BCAS3: variants seen among roughly 807,000 people sequenced by gnomAD.
BCAS3 encodes BCAS3 microtubule associated cell migration factor.
Under a neutral mutation model 116.1 loss-of-function variants are expected in BCAS3, and 53 were observed. The observed-to-expected ratio is 0.46, with a 90% confidence interval of 0.37 to 0.57. The LOEUF (loss-of-function observed/expected upper bound fraction) is 0.57, where lower values mean the gene tolerates loss of function less well. Among genes scored for constraint, BCAS3 ranks in the 20% least tolerant of loss-of-function variants. The pLI, the probability that BCAS3 is intolerant of heterozygous loss-of-function variation, is 0.00. For synonymous variants in BCAS3, 391 were observed against 408.2 expected, an observed-to-expected ratio of 0.96 and a Z score of 0.51; for missense variants, 917 against 1,165.4, an observed-to-expected ratio of 0.79 and a Z score of 3.10.
rs555213490 is a variant in BCAS3 at position 61,220,012 on chromosome 17, T to A, written c.2425+135448T>A. Reference sequence around the variant, plus strand: ...TGGTGTGCCGTTAAAACTAAAGTTTTCGGCCGGGCGCGGTGGCTCACGCCT... The same window carrying A: ...TGGTGTGCCGTTAAAACTAAAGTTTACGGCCGGGCGCGGTGGCTCACGCCT... On this transcript the variant is annotated intron_variant, in intron 22 of 23. Transcript: ENST00000407086. The surrounding 1 kb of genome is among the most constrained non-coding windows in gnomAD (Gnocchi z 4.5). Among the ~76,000 whole-genome samples the A allele has an allele frequency of 6.6e-6, 1 of 152,218 alleles. No homozygotes were observed. Among genetic ancestry groups the A allele is most frequent in the South Asian group, 2.1e-4 (1 of 4,820 alleles).
At chr17:60,691,250 T>C (rs2034784689) in intron 4 of BCAS3, among the ~76,000 whole-genome samples, 1 of 152,144 alleles carries the variant, frequency 6.6e-6, no homozygotes, top group African/African-American at 2.4e-5. Flanking sequence ...TCTTTGAGAC[T>C]CTACTTTTGA....
chr17:60,903,299 A>G (rs1053480786), intron 11 of BCAS3, among the ~76,000 whole-genome samples: 6 of 152,248 alleles, frequency 3.9e-5, no homozygotes, highest in Middle Eastern at 3.2e-3. Flanking sequence ...AAAGCAAACC[A>G]CAGAGTGGGA....
chr17:60,683,884 A>G (rs1036411725), intron 2 of BCAS3, 98 bp from the exon 3 acceptor site: 25 of 1,073,108 alleles, frequency 2.3e-5, no homozygotes, highest in Non-Finnish European at 1.4e-5. Context: ...AAACAACAAC[A>G]AAAAACAAGT....
chr17:60,802,301 T>A (rs988723417), intron 6 of BCAS3, among the ~76,000 whole-genome samples: 44 of 141,404 alleles, frequency 3.1e-4, no homozygotes, highest in African/African-American at 1.0e-3. Flanking sequence ...AAAAAATATA[T>A]ATATATATAT....
At chr17:60,968,362 C>T (rs1291475898) in intron 14 of BCAS3, among the ~76,000 whole-genome samples, 7 of 152,020 alleles carry the variant, frequency 4.6e-5, no homozygotes, top group Middle Eastern at 3.4e-3. Context: ...ACTACAGGCA[C>T]GTGACACCAT....
rs920159945 is a variant in BCAS3 at position 61,279,507 on chromosome 17, C to T, written c.2426-88820C>T. ...CCATGGTGGCTAAGAGATTCACAAG[C>T]CAGTTTGTATTTTGCAAACTTTCCC... On this transcript the variant is annotated intron_variant, in intron 22 of 23. Coordinates refer to ENST00000407086, the MANE Select transcript of BCAS3 (RefSeq NM_017679.5). This position sits in a 1 kb window ranked among gnomAD's most constrained non-coding sequence, Gnocchi z 4.4. Among the ~76,000 whole-genome samples the T allele has an allele frequency of 1.3e-5, 2 of 152,112 alleles. No homozygotes were observed. Among genetic ancestry groups the T allele is most frequent in the African/African-American group, 4.8e-5 (2 of 41,418 alleles).
chr17:61,078,958 G>A (rs779362145), intron 21 of BCAS3, among the ~76,000 whole-genome samples: 1 of 151,974 alleles, frequency 6.6e-6, no homozygotes, highest in Non-Finnish European at 1.5e-5. Context: ...ATGGAAAAAC[G>A]TTGGTATAAA....
At chr17:61,295,949 C>A (rs1164294387) in intron 22 of BCAS3, among the ~76,000 whole-genome samples, 12 of 143,840 alleles carry the variant, frequency 8.3e-5, no homozygotes, top group African/African-American at 2.9e-4. Flanking sequence ...AGCAAGACTC[C>A]GTCTCAAAAA....
Position 61,065,190 on chromosome 17 carries a change from T to A in BCAS3, c.2030-9730T>A, listed in dbSNP as rs776541800. ...AATTACTACGATTTAAATATGTTTG[T>A]TGGATATTATAATTCCTCCTCTGTG... On this transcript the variant is annotated intron_variant, in intron 19 of 23. Coordinates refer to ENST00000407086, the MANE Select transcript of BCAS3 (RefSeq NM_017679.5). This position sits in a 1 kb window ranked among gnomAD's most constrained non-coding sequence, Gnocchi z 4.8. 7.2e-5 allele frequency among the ~76,000 whole-genome samples: 11 copies of A among 152,204 alleles called. No homozygotes were observed. The highest frequency in any genetic ancestry group is 1.3e-4 in the Non-Finnish European group (9 of 68,018).
chr17:60,799,065 C>G (rs1257537521), intron 6 of BCAS3, among the ~76,000 whole-genome samples: 2 of 152,114 alleles, frequency 1.3e-5, no homozygotes, highest in African/African-American at 4.8e-5. Flanking sequence ...ATCCTTTTAT[C>G]AGATGTGTTT....
In BCAS3 at chr17:61,281,132, C is replaced by G. The variant is rs1352253793; in HGVS notation, c.2426-87195C>G. Reference sequence around the variant, plus strand: ...GAAAAAATACACTACTATGCACACTCTTTCCATATATCAATACATCTTGGA... The same window carrying G: ...GAAAAAATACACTACTATGCACACTGTTTCCATATATCAATACATCTTGGA... On this transcript the variant is annotated intron_variant, in intron 22 of 23. Transcript: ENST00000407086. This position sits in a 1 kb window ranked among gnomAD's most constrained non-coding sequence, Gnocchi z 4.2. Among the ~76,000 whole-genome samples the G allele has an allele frequency of 3.3e-5, 5 of 152,210 alleles. No homozygotes were observed. The highest frequency in any genetic ancestry group is 2.0e-4 in the Admixed American group (3 of 15,274).
chr17:61,110,171 T>C (rs528994405), intron 22 of BCAS3, among the ~76,000 whole-genome samples: 4 of 152,354 alleles, frequency 2.6e-5, no homozygotes, highest in Admixed American at 2.0e-4. Flanking sequence ...ACATGTGGCT[T>C]GCCAATTATC....
chr17:61,338,733 G>A lies in BCAS3; in HGVS notation c.2426-29594G>A, dbSNP rs150038023. 5.5e-3 allele frequency among the ~76,000 whole-genome samples: 837 copies of A among 152,010 alleles called. 4 individuals carry two copies. Among genetic ancestry groups the A allele is most frequent in the Middle Eastern group, 0.017 (5 of 292 alleles). On this transcript the variant is annotated intron_variant, in intron 22 of 23. Transcript: ENST00000407086. Reference sequence around the variant, plus strand: ...GGCAGTGCAGGCCCGCGTGGGAGTCGTAGCTCCCTGTGTCCTCACTCTGAG... The same window carrying A: ...GGCAGTGCAGGCCCGCGTGGGAGTCATAGCTCCCTGTGTCCTCACTCTGAG...
At chr17:60,976,020 C>CTTTTTTTTTGTTTTTT (rs2062328600) in intron 14 of BCAS3, among the ~76,000 whole-genome samples, 1 of 98,284 alleles carries the variant, frequency 1.0e-5, no homozygotes, top group African/African-American at 4.2e-5. Flanking sequence ...TAGATTTTTG[C>CTTTTTTTTTGTTTTTT]TTTTTTTTTT....
Position 61,084,639 on chromosome 17 carries a change from G to A in BCAS3, c.2425+75G>A. On this transcript the variant is annotated intron_variant, in intron 22 of 23. Transcript: ENST00000407086. The surrounding 1 kb of genome is among the most constrained non-coding windows in gnomAD (Gnocchi z 5.5). ...ACTAATTTTCTCGCACAATGTAGAG[G>A]ATGACATTTATTTGCTTTCCTCTCT... is the stretch of plus-strand genomic sequence containing the variant. 8.1e-7 allele frequency: 1 copy of A among 1,234,854 alleles called. No homozygotes were observed. The highest frequency in any genetic ancestry group is 1.2e-6 in the Non-Finnish European group (1 of 851,148). The allele number at this position is 1,234,854 out of a possible 1,614,324, so 76.5% of individuals were successfully genotyped here. A position where few individuals can be genotyped will look rare whatever the true frequency, so the allele number is the denominator to read the frequency against.
rs920249652 is a variant in BCAS3, at chr17:61,034,555, T to A, written c.1638-111T>A. 2.1e-6 allele frequency: 2 copies of A among 957,500 alleles called. No homozygotes were observed. Among genetic ancestry groups the A allele is most frequent in the African/African-American group, 3.4e-5 (2 of 59,104 alleles). The allele number at this position is 957,500 out of a possible 1,614,324, so 59.3% of individuals were successfully genotyped here. ...TTATTACTTAAGGCAAAATGCATGTTCATACTGGAGGATTTGAATAGGGGT... is the reference window on the plus strand; with the variant it reads ...TTATTACTTAAGGCAAAATGCATGTACATACTGGAGGATTTGAATAGGGGT... On this transcript the variant is annotated intron_variant, in intron 16 of 23. Coordinates refer to ENST00000407086, the MANE Select transcript of BCAS3 (RefSeq NM_017679.5). This position sits in a 1 kb window ranked among gnomAD's most constrained non-coding sequence, Gnocchi z 5.0.
chr17:61,191,774 CAAAAAAAAA>C (rs753462944), intron 22 of BCAS3, among the ~76,000 whole-genome samples: 1 of 73,422 alleles, frequency 1.4e-5, no homozygotes, highest in Admixed American at 1.4e-4. Context: ...GACTCCGTCT[CAAAAAAAAA>C]AGAAAAGAAA....
At chr17:61,206,681 A>G (rs981858925) in intron 22 of BCAS3, among the ~76,000 whole-genome samples, 6 of 151,788 alleles carry the variant, frequency 4.0e-5, no homozygotes, top group Admixed American at 3.3e-4. Flanking sequence ...CACACCTGTA[A>G]TCTCAGCTAC....
At chr17:61,114,761 A>T (rs1219478335) in intron 22 of BCAS3, among the ~76,000 whole-genome samples, 11 of 150,430 alleles carry the variant, frequency 7.3e-5, no homozygotes, top group Non-Finnish European at 1.5e-5. Flanking sequence ...TATGGAACCA[A>T]AAAAGAGCCC....
Sources: allele counts gnomAD v4.1 joint callset (sites outside exome capture counted in the v4.1 genomes callset), GRCh38; gene constraint gnomAD v4.1.1; non-coding constraint Gnocchi (gnomAD v3.1); transcripts MANE v1.5; gene names NCBI Gene and HGNC (gene_info 2026-07-23, HGNC 2026-07-21).